Variants in VAV2 observed in about 807,000 individuals in gnomAD.
The protein encoded by VAV2 is vav guanine nucleotide exchange factor 2.
A neutral mutation model predicts 132.5 loss-of-function variants in VAV2; 67 were observed. That is an observed-to-expected ratio of 0.51 (90% CI 0.42 to 0.62). The LOEUF is 0.62. VAV2 is among the 20% of genes least tolerant of loss of function. The probability of loss-of-function intolerance (pLI) is 0.00; values close to 1 mark genes in which losing one functional copy is unlikely to be tolerated. For missense variants in VAV2, 938 were observed against 1,153.6 expected (o/e 0.81, Z 2.71); for synonymous variants, 492 against 443.5 (o/e 1.11, Z -1.37).
At chr9:133,797,670 C>T (rs140674360) in intron 10 of VAV2, 40 bp downstream of exon 10, 159 of 1,586,964 alleles carry the variant, frequency 1.0e-4, no homozygotes, top group Admixed American at 4.0e-4. Context: ...AAGCTGCAAC[C>T]TTGGAGCCAG....
At chr9:133,815,871 C>G (rs56956177) in intron 4 of VAV2, among the ~76,000 whole-genome samples, 5,670 of 152,236 alleles carry the variant, frequency 0.037, 360 homozygotes, top group African/African-American at 0.13. Context: ...GACTGGAACT[C>G]CTGGTCAAAG....
chr9:133,894,296 G>A (rs1839107195), intron 2 of VAV2, among the ~76,000 whole-genome samples: 3 of 152,258 alleles, frequency 2.0e-5, no homozygotes, highest in South Asian at 4.1e-4. Flanking sequence ...AGCACCGGCT[G>A]CAGCCAGACC....
intron 1 of VAV2, among the ~76,000 whole-genome samples, chr9:133,974,439 C>T (rs1842441062): frequency 1.3e-5 from 2 of 152,176 alleles, no homozygotes; most frequent in Admixed American, 1.3e-4. Context: ...CACAAAGCAG[C>T]ACAGTCACAT....
chr9:133,930,438 A>AC (rs1402521488), intron 2 of VAV2, among the ~76,000 whole-genome samples: 2 of 143,022 alleles, frequency 1.4e-5, no homozygotes, highest in African/African-American at 5.3e-5. Context: ...CGGCATCCTC[A>AC]TTGCCTCTTG....
At chr9:133,806,209 T>C (rs1835135935) in intron 8 of VAV2, 28 bp from the exon 9 acceptor site, 2 of 1,600,056 alleles carry the variant, frequency 1.2e-6, no homozygotes, top group Non-Finnish European at 1.7e-6. Context: ...CGTGAGTGCC[T>C]GGCCAGGCCC....
chr9:133,771,349 CCA>C (rs1833618891), intron 26 of VAV2, among the ~76,000 whole-genome samples: 1 of 152,124 alleles, frequency 6.6e-6, no homozygotes, highest in Non-Finnish European at 1.5e-5. Flanking sequence ...CAGGCATGAG[CCA>C]CTACGCTCAG....
chr9:133,985,375 G>C (rs1450434598), intron 1 of VAV2, among the ~76,000 whole-genome samples: 1 of 152,084 alleles, frequency 6.6e-6, no homozygotes, highest in Non-Finnish European at 1.5e-5. Flanking sequence ...TCCGCCTTCC[G>C]GGTTCAAGCG....
At chr9:133,890,562 G>C (rs2519115) in intron 2 of VAV2, among the ~76,000 whole-genome samples, 111,023 of 151,694 alleles carry the variant, frequency 0.73, 42,923 homozygotes, top group Middle Eastern at 0.91. Context: ...TTGTCCATGA[G>C]AGGCAGATGC....
intron 1 of VAV2, among the ~76,000 whole-genome samples, chr9:133,965,232 A>C (rs983352107): frequency 6.6e-6 from 1 of 152,112 alleles, no homozygotes; most frequent in African/African-American, 2.4e-5. Flanking sequence ...TCATGCCTCT[A>C]ATCACCGCAC....
chr9:133,820,640 C>T (rs1835751663), intron 4 of VAV2, among the ~76,000 whole-genome samples: 1 of 152,086 alleles, frequency 6.6e-6, no homozygotes, highest in Non-Finnish European at 1.5e-5. Flanking sequence ...AAACAAGTTT[C>T]TTGCACAGGG....
At chr9:133,787,041 T>G (rs960996249) in intron 16 of VAV2, among the ~76,000 whole-genome samples, 5 of 152,146 alleles carry the variant, frequency 3.3e-5, no homozygotes, top group African/African-American at 1.2e-4. Flanking sequence ...TCACGGAGTT[T>G]TCCTTTCACA....
rs747103975 is a variant in VAV2, at chr9:133,912,798, G to A, written c.321+26305C>T. Among the ~76,000 whole-genome samples, 6 of 152,050 alleles carry A rather than the reference G, an allele frequency of 3.9e-5. No homozygotes were observed. Among genetic ancestry groups the A allele is most frequent in the South Asian group, 2.1e-4 (1 of 4,822 alleles). ...GTTCAGCCCCTCTAAAATCACAATC[G>A]TCCTGTCCTCGTTCCGTCCCTCTAA... On this transcript the variant is annotated intron_variant, in intron 2 of 29. Coordinates refer to ENST00000371850, the MANE Select transcript of VAV2 (RefSeq NM_001134398.2). This position sits in a 1 kb window ranked among gnomAD's most constrained non-coding sequence, Gnocchi z 4.3.
At chr9:133,851,758 T>A (rs989620276) in intron 3 of VAV2, among the ~76,000 whole-genome samples, 1 of 145,830 alleles carries the variant, frequency 6.9e-6, no homozygotes, top group Non-Finnish European at 1.5e-5. Flanking sequence ...GTATATTGGG[T>A]GGATGCATGG....
At chr9:133,924,220 T>C (rs1840392447) in intron 2 of VAV2, among the ~76,000 whole-genome samples, 1 of 152,180 alleles carries the variant, frequency 6.6e-6, no homozygotes, top group Admixed American at 6.5e-5. Flanking sequence ...TCTCGCTCTG[T>C]TGCCCGGGCT....
rs113999998 is a variant in VAV2, at chr9:133,948,260, G to A, written c.205-9041C>T. On this transcript the variant is annotated intron_variant, in intron 1 of 29. Coordinates refer to ENST00000371850, the MANE Select transcript of VAV2 (RefSeq NM_001134398.2). ...GGACAATTGAACTTCCTTCGCTCGG[G>A]CCCATTTCCTCAGCTCCGCACGCAC... Among the ~76,000 whole-genome samples, 737 of 152,332 alleles carry A rather than the reference G, an allele frequency of 4.8e-3. 4 individuals carry two copies. The highest frequency in any genetic ancestry group is 0.017 in the African/African-American group (707 of 41,578).
At chr9:133,815,558 T>A (rs1214395934) in intron 4 of VAV2, among the ~76,000 whole-genome samples, 2 of 152,172 alleles carry the variant, frequency 1.3e-5, no homozygotes, top group Non-Finnish European at 2.9e-5. Flanking sequence ...TAGATTTGTT[T>A]TTGTGCCTGG....
intron 1 of VAV2, among the ~76,000 whole-genome samples, chr9:133,973,605 TAC>T (rs1239359966): frequency 6.6e-6 from 1 of 151,166 alleles, no homozygotes; most frequent in Non-Finnish European, 1.5e-5. Context: ...ACGCACGCCC[TAC>T]AGAGAAGGAA....
intron 9 of VAV2, among the ~76,000 whole-genome samples, chr9:133,805,531 T>G (rs927241326): frequency 1.3e-4 from 15 of 111,536 alleles, no homozygotes; most frequent in African/African-American, 5.2e-4. Context: ...GCCTGGGCAT[T>G]GTCTAACCCC....
At chr9:133,947,509 G>C (rs768733165) in intron 1 of VAV2, among the ~76,000 whole-genome samples, 5 of 152,086 alleles carry the variant, frequency 3.3e-5, no homozygotes, top group Non-Finnish European at 5.9e-5. Flanking sequence ...AGACTATCCT[G>C]ACCAACATGG....
Sources: gnomAD v4.1 joint callset for allele counts (sites outside exome capture counted in the v4.1 genomes callset) on GRCh38, gnomAD v4.1.1 for gene constraint, Gnocchi (gnomAD v3.1) non-coding constraint, MANE v1.5 for transcripts, NCBI Gene and HGNC (gene_info 2026-07-23, HGNC 2026-07-21) for gene names.